The following OSBPL2 variants were observed in gnomAD, a reference collection of about 807,000 sequenced individuals.
The protein encoded by OSBPL2 is oxysterol binding protein like 2, also known as oxysterol-binding protein-related protein 2.
In OSBPL2, 18 loss-of-function variants were observed where a neutral mutation model predicts 58.4. That is an observed-to-expected ratio of 0.31 (90% CI 0.21 to 0.46). The LOEUF (loss-of-function observed/expected upper bound fraction) is 0.46, where lower values mean the gene tolerates loss of function less well. Ranked by LOEUF, OSBPL2 falls within the 20% of genes least tolerant of loss-of-function variation. OSBPL2 has a pLI of 1.00. For synonymous variants in OSBPL2, 221 were observed against 234.1 expected, an observed-to-expected ratio of 0.94 and a Z score of 0.51; for missense variants, 461 against 616.5, an observed-to-expected ratio of 0.75 and a Z score of 2.67.
chr20:62,245,286 G>T (rs1254240209), intron 1 of OSBPL2, among the ~76,000 whole-genome samples: 1 of 152,130 alleles, frequency 6.6e-6, no homozygotes, highest in Non-Finnish European at 1.5e-5. Flanking sequence ...TAGAGATGGG[G>T]TTTTGCCATG....
chr20:62,265,833 T>C (rs1164945028), intron 4 of OSBPL2, among the ~76,000 whole-genome samples: 1 of 152,206 alleles, frequency 6.6e-6, no homozygotes, highest in Non-Finnish European at 1.5e-5. Context: ...TTGACTCTCT[T>C]AAATTCTGAG....
chr20:62,261,878 C>T (rs1302251208), intron 3 of OSBPL2, among the ~76,000 whole-genome samples: 1 of 152,190 alleles, frequency 6.6e-6, no homozygotes, highest in African/African-American at 2.4e-5. Context: ...CTTGCCTCAG[C>T]CTCCCGAGTT....
In OSBPL2 at chr20:62,269,200, C is replaced by G. The variant is rs946475540; in HGVS notation, c.259-2925C>G. Among the ~76,000 whole-genome samples the G allele has an allele frequency of 2.0e-5, 3 of 152,214 alleles. No homozygotes were observed. Among genetic ancestry groups the G allele is most frequent in the Non-Finnish European group, 4.4e-5 (3 of 68,032 alleles). On this transcript the variant is annotated intron_variant, in intron 4 of 13. Coordinates refer to ENST00000313733, the MANE Select transcript of OSBPL2 (RefSeq NM_144498.4). The surrounding 1 kb of genome is among the most constrained non-coding windows in gnomAD (Gnocchi z 4.2). The stretch of plus-strand genomic sequence containing the variant: ...TACAGGCGTGAGCCATCTCGCCTGG[C>G]CGACTTCTGAATCTTTTAATGGCGC...
intron 12 of OSBPL2, among the ~76,000 whole-genome samples, chr20:62,289,543 G>A (rs963487437): frequency 5.9e-5 from 9 of 152,232 alleles, no homozygotes; most frequent in Admixed American, 5.2e-4. Context: ...GCCTGCCTCA[G>A]ACCAAACCTT....
intron 1 of OSBPL2, 136 bp downstream of exon 1, chr20:62,238,733 C>G (rs1328896798): frequency 6.6e-6 from 1 of 150,736 alleles, no homozygotes; most frequent in East Asian, 2.0e-4. Context: ...CAGGCCGCCT[C>G]CAGCCCCGGC....
At chr20:62,252,495 G>A (rs1403178335) in intron 1 of OSBPL2, among the ~76,000 whole-genome samples, 1 of 152,240 alleles carries the variant, frequency 6.6e-6, no homozygotes, top group Non-Finnish European at 1.5e-5. Flanking sequence ...TTCTCCTCCC[G>A]GGCGCCTCCT....
intron 1 of OSBPL2, among the ~76,000 whole-genome samples, chr20:62,253,689 GC>G (rs1980722066): frequency 6.6e-6 from 1 of 150,460 alleles, no homozygotes; most frequent in African/African-American, 2.5e-5. Context: ...AGGGAAGAGA[GC>G]GGGAGAGAGA....
At chr20:62,251,784 T>C (rs1317285490) in intron 1 of OSBPL2, among the ~76,000 whole-genome samples, 1 of 151,152 alleles carries the variant, frequency 6.6e-6, no homozygotes, top group African/African-American at 2.4e-5. Context: ...CACTGTCTTA[T>C]AAATGTCTCC....
chr20:62,272,902 A>G (rs1487656603), intron 5 of OSBPL2, among the ~76,000 whole-genome samples: 1 of 152,204 alleles, frequency 6.6e-6, no homozygotes, highest in Non-Finnish European at 1.5e-5. Flanking sequence ...TGTCTAAAAA[A>G]TAACAAAATA....
At position 62,289,299 on chromosome 20, in the gene OSBPL2, T is replaced by C. The variant is rs1470793198; in HGVS notation, c.1218T>C (p.Pro406=). The C allele has an allele frequency of 6.2e-7, 1 of 1,613,032 alleles. No individual in the cohort carries two copies. Among genetic ancestry groups the C allele is most frequent in the Non-Finnish European group, 8.5e-7 (1 of 1,179,570 alleles). The change falls in exon 12 of 14, where the codon CCT becomes CCC. Residue 406 remains proline (P), a synonymous_variant. Coordinates refer to ENST00000313733, the MANE Select transcript of OSBPL2 (RefSeq NM_144498.4). ...TLPPTDCRLR[P]DIRGMENGNM... is the part of the protein sequence containing the mutation. ...CACCCACGGACTGCCGCCTGCGCCC[T>C]GACATCCGCGGCATGGAGAATGGCA...
chr20:62,286,908 T>C (rs1405483661), intron 11 of OSBPL2, among the ~76,000 whole-genome samples, 197 bp downstream of exon 11: 2 of 152,264 alleles, frequency 1.3e-5, no homozygotes, highest in African/African-American at 4.8e-5. Flanking sequence ...GGCCCTGTGC[T>C]TGTCTGCCTT....
chr20:62,248,462 G>A (rs1980301396), intron 1 of OSBPL2, among the ~76,000 whole-genome samples: 1 of 152,136 alleles, frequency 6.6e-6, no homozygotes, highest in Non-Finnish European at 1.5e-5. Context: ...GGGCAGAACT[G>A]TATGAACTTA....
rs148764302 is a variant in OSBPL2, at chr20:62,244,488, G to A, written c.-129+5891G>A. 4.9e-3 allele frequency among the ~76,000 whole-genome samples: 751 copies of A among 152,338 alleles called. 5 individuals carry two copies. The highest frequency in any genetic ancestry group is 0.017 in the African/African-American group (722 of 41,584). Reference sequence around the variant, plus strand: ...CTGTGGGGCATGCGCCCTGTCCATTGCCTTCCCACCCAGTCTCGTGGGCCG... The same window carrying A: ...CTGTGGGGCATGCGCCCTGTCCATTACCTTCCCACCCAGTCTCGTGGGCCG... On this transcript the variant is annotated intron_variant, in intron 1 of 13. Coordinates refer to ENST00000313733, the MANE Select transcript of OSBPL2 (RefSeq NM_144498.4).
chr20:62,268,049 A>ATTTTTTTTTTTTT (rs149417240), intron 4 of OSBPL2, among the ~76,000 whole-genome samples: 9 of 116,146 alleles, frequency 7.7e-5, no homozygotes, highest in Admixed American at 1.9e-4. Context: ...TGCCCGGCTA[A>ATTTTTTTTTTTTT]TTTTTTTTTT....
chr20:62,279,065 C>T (rs905863304), intron 6 of OSBPL2, 92 bp from the exon 7 acceptor site: 12 of 1,092,248 alleles, frequency 1.1e-5, no homozygotes, highest in African/African-American at 6.3e-5. Context: ...TGCTTCCCAG[C>T]GTCCTGTGAG....
intron 3 of OSBPL2, 64 bp downstream of exon 3, chr20:62,260,189 G>A: frequency 6.6e-7 from 1 of 1,519,532 alleles, no homozygotes; most frequent in Non-Finnish European, 9.1e-7. Flanking sequence ...ATACTCTGCA[G>A]GGTACCCCTC....
Position 62,269,112 on chromosome 20 carries a change from G to T in OSBPL2, c.259-3013G>T, listed in dbSNP as rs956365627. Among the ~76,000 whole-genome samples the T allele has an allele frequency of 3.3e-5, 5 of 152,094 alleles. No individual in the cohort carries two copies. The highest frequency in any genetic ancestry group is 7.4e-5 in the Non-Finnish European group (5 of 68,014). ...GACGGGGTCTCACTTTGTTGCCCAG[G>T]CTGGTCTTAAACTCCTGGCCTTAAG... is the stretch of plus-strand genomic sequence containing the variant. On this transcript the variant is annotated intron_variant, in intron 4 of 13. Transcript: ENST00000313733. The surrounding 1 kb of genome is among the most constrained non-coding windows in gnomAD (Gnocchi z 4.2).
rs562309356 is a variant in OSBPL2, at chr20:62,249,949, G to A, written c.-128-6108G>A. On this transcript the variant is annotated intron_variant, in intron 1 of 13. Coordinates refer to ENST00000313733, the MANE Select transcript of OSBPL2 (RefSeq NM_144498.4). ...GACTGAGGACCTGGCTGGGGCAGGC[G>A]CTCCTCGACCCCATGGGGCCATCTG... is the stretch of plus-strand genomic sequence containing the variant. Among the ~76,000 whole-genome samples the A allele has an allele frequency of 2.6e-5, 4 of 152,330 alleles. No individual in the cohort carries two copies. In the South Asian group the frequency reaches 8.3e-4, roughly 32 times the overall value.
chr20:62,285,101 T>G (rs1475243516), intron 10 of OSBPL2: 1 of 152,216 alleles, frequency 6.6e-6, no homozygotes, highest in Non-Finnish European at 1.5e-5. Context: ...CCTGAAATGT[T>G]CAATATTTAT....
Sources: gnomAD v4.1 joint callset for allele counts (sites outside exome capture counted in the v4.1 genomes callset) on GRCh38, gnomAD v4.1.1 for gene constraint, Gnocchi (gnomAD v3.1) non-coding constraint, MANE v1.5 for transcripts, NCBI Gene and HGNC (gene_info 2026-07-23, HGNC 2026-07-21) for gene names.